The following DNAH12 variants were observed in gnomAD, a reference collection of about 807,000 sequenced individuals.
The protein encoded by DNAH12 is axonemal beta dynein heavy chain 12.
In DNAH12, 285 loss-of-function variants were observed where a neutral mutation model predicts 371.5. That is an observed-to-expected ratio of 0.77 (90% CI 0.70 to 0.85). The LOEUF is 0.85. Ranked by LOEUF, DNAH12 falls within the 40% of genes least tolerant of loss-of-function variation. The probability of loss-of-function intolerance (pLI) is 0.00; values close to 1 mark genes in which losing one functional copy is unlikely to be tolerated. For missense variants in DNAH12, 3,611 were observed against 3,689.4 expected (o/e 0.98, Z 0.55); for synonymous variants, 1,200 against 1,213.0 (o/e 0.99, Z 0.22).
intron 38 of DNAH12, among the ~76,000 whole-genome samples, chr3:57,414,624 A>C (rs2064308384): frequency 1.3e-5 from 2 of 152,202 alleles, no homozygotes. Flanking sequence ...TATTAATTTT[A>C]ACTTACTTAA....
In DNAH12 at chr3:57,331,680, C is replaced by CA. The variant is rs763762264; in HGVS notation, c.9978+2784dup. On this transcript the variant is annotated intron_variant, in intron 62 of 73. Coordinates refer to ENST00000495027, the MANE Select transcript of DNAH12 (RefSeq NM_001366028.2). ...ACGAAGGGACTATTGCAATCACTTT[C>CA]AAAACCTTCATATTTTTCATGGTGT... Among the ~76,000 whole-genome samples, 4 of 152,116 alleles carry CA rather than the reference C, an allele frequency of 2.6e-5. No individual in the cohort carries two copies. In the East Asian group the frequency reaches 7.7e-4, roughly 29 times the overall value.
At chr3:57,358,947 G>A (rs1048028529) in intron 58 of DNAH12, among the ~76,000 whole-genome samples, 26 of 152,088 alleles carry the variant, frequency 1.7e-4, no homozygotes, top group African/African-American at 4.6e-4. Context: ...ACCACACCTG[G>A]CTAATTTTTG....
In DNAH12 at chr3:57,472,567, G is replaced by A. The variant is rs1218238121; in HGVS notation, c.1755C>T (p.Pro585=). The change falls in exon 14 of 74, where the codon CCC becomes CCT. Residue 585 remains proline (P), a synonymous_variant. Coordinates refer to ENST00000495027, the MANE Select transcript of DNAH12 (RefSeq NM_001366028.2). ...TVLMWPRKIN[P]IFDENDELIE... ...TTACCTCATCATTTTCATCAAAGATGGGATTAATTTTCCTAGGCCACATGA... is the reference window on the plus strand; with the variant it reads ...TTACCTCATCATTTTCATCAAAGATAGGATTAATTTTCCTAGGCCACATGA... 2 of 1,549,166 alleles carry A rather than the reference G, an allele frequency of 1.3e-6. No individual in the cohort carries two copies. Among genetic ancestry groups the A allele is most frequent in the East Asian group, 4.9e-5 (2 of 40,792 alleles).
intron 62 of DNAH12, among the ~76,000 whole-genome samples, chr3:57,332,619 A>G (rs1251476818): frequency 6.6e-6 from 1 of 152,200 alleles, no homozygotes; most frequent in East Asian, 1.9e-4. Context: ...AAAAGACTAC[A>G]AAGGGGCCAA....
intron 4 of DNAH12, among the ~76,000 whole-genome samples, chr3:57,518,913 T>C (rs2068304523): frequency 6.6e-6 from 1 of 152,080 alleles, no homozygotes; most frequent in African/African-American, 2.4e-5. Flanking sequence ...GAATCATCCA[T>C]GGAGATTCAA....
rs1199057899 is a variant in DNAH12 at position 57,428,822 on chromosome 3, C to T, written c.5065-1G>A. 1.3e-5 allele frequency: 19 copies of T among 1,514,744 alleles called. No individual in the cohort carries two copies. The highest frequency in any genetic ancestry group is 1.7e-5 in the Non-Finnish European group (19 of 1,134,142). The allele number at this position is 1,514,744 out of a possible 1,614,324, so 93.8% of individuals were successfully genotyped here. ...TACCACAACGACTTACAGTGGCAGG[C>T]TAGAGAAAAAAGGCAACTTTTTGCA... On this transcript the variant is annotated splice_acceptor_variant, in intron 33 of 73. Coordinates refer to ENST00000495027, the MANE Select transcript of DNAH12 (RefSeq NM_001366028.2). LOFTEE classifies it high-confidence loss of function.
intron 60 of DNAH12, among the ~76,000 whole-genome samples, chr3:57,338,404 T>C (rs1187250006): frequency 2.3e-4 from 25 of 107,534 alleles, no homozygotes; most frequent in South Asian, 6.2e-4. Context: ...GCCGCCACAC[T>C]GTCTAGGAAG....
At chr3:57,549,065 A>C (rs1276830175), upstream of DNAH12, 1 of 152,112 alleles carries the variant, frequency 6.6e-6, no homozygotes, top group African/African-American at 2.4e-5. Context: ...GCCTGTGCCC[A>C]TAATTCCAGG....
At chr3:57,458,324 T>C in intron 20 of DNAH12, 104 bp from the exon 21 acceptor site, 1 of 1,300,964 alleles carries the variant, frequency 7.7e-7, no homozygotes, top group Non-Finnish European at 9.9e-7. Flanking sequence ...TGTTAAAAGG[T>C]TTATGAAAAA....
intron 62 of DNAH12, among the ~76,000 whole-genome samples, chr3:57,332,102 G>T (rs916253387): frequency 6.6e-6 from 1 of 152,058 alleles, no homozygotes; most frequent in Non-Finnish European, 1.5e-5. Flanking sequence ...TGATAGTCTT[G>T]AACAAAGTCT....
chr3:57,523,852 GTTCT>G lies in DNAH12; in HGVS notation c.199_202del (p.Arg67HisfsTer18). 6.2e-7 allele frequency: 1 copy of G among 1,605,610 alleles called. No individual in the cohort carries two copies. Reference sequence around the variant, plus strand: ...TAATAGAGGTGTTCTTTTACCCAGTGTTCTGTCTAAATTTCTTTTGGCTCCATCA... The same window carrying G: ...TAATAGAGGTGTTCTTTTACCCAGTGGTCTAAATTTCTTTTGGCTCCATCA... On this transcript the variant is annotated frameshift_variant, in exon 3 of 74. Transcript: ENST00000495027. LOFTEE classifies it high-confidence loss of function.
chr3:57,438,398 A>G (rs1158433834), intron 29 of DNAH12, among the ~76,000 whole-genome samples: 1 of 152,222 alleles, frequency 6.6e-6, no homozygotes, highest in Admixed American at 6.5e-5. Flanking sequence ...ATTGTTTAAC[A>G]TACAATCAAA....
intron 38 of DNAH12, among the ~76,000 whole-genome samples, chr3:57,414,529 C>T (rs1279967810): frequency 6.6e-6 from 1 of 152,142 alleles, no homozygotes; most frequent in Non-Finnish European, 1.5e-5. Context: ...TTTCAATCCT[C>T]ACCCTCCTCC....
At chr3:57,424,573 C>T (rs1013684375) in intron 35 of DNAH12, among the ~76,000 whole-genome samples, 3 of 151,410 alleles carry the variant, frequency 2.0e-5, no homozygotes, top group Non-Finnish European at 2.9e-5. Flanking sequence ...GTCAGGAGTT[C>T]AAGACCAGCC....
chr3:57,403,271 G>GTTTTCA (rs2063926027), intron 43 of DNAH12, 38 bp downstream of exon 43: 1 of 1,511,898 alleles, frequency 6.6e-7, no homozygotes, highest in Non-Finnish European at 8.9e-7. Context: ...AGAATATACT[G>GTTTTCA]TTTTCATTTT....
chr3:57,469,049 G>A (rs2066287841), intron 16 of DNAH12, 70 bp from the exon 17 acceptor site: 8 of 1,397,958 alleles, frequency 5.7e-6, no homozygotes, highest in South Asian at 2.9e-5. Context: ...AGATCCTTTA[G>A]GCTAGACCCC....
intron 2 of DNAH12, chr3:57,530,745 GT>G: frequency 3.8e-6 from 1 of 260,722 alleles, no homozygotes. Flanking sequence ...GATGATCCTT[GT>G]TTTGCACCTA....
intron 60 of DNAH12, among the ~76,000 whole-genome samples, chr3:57,342,651 C>CAAAAAAAAAAAA (rs71088061): frequency 5.7e-5 from 2 of 35,074 alleles, no homozygotes; most frequent in African/African-American, 1.3e-4. Flanking sequence ...GACTGAGACT[C>CAAAAAAAAAAAA]AAAAAAAAAA....
At chr3:57,468,653 T>C (rs2066273421) in intron 17 of DNAH12, 83 bp downstream of exon 17, 9 of 789,506 alleles carry the variant, frequency 1.1e-5, no homozygotes, top group Middle Eastern at 4.0e-4. Flanking sequence ...AACCAGAAGA[T>C]AGGCTTTATA....
Sources: gnomAD v4.1 joint callset for allele counts (sites outside exome capture counted in the v4.1 genomes callset) on GRCh38, gnomAD v4.1.1 for gene constraint, MANE v1.5 for transcripts, NCBI Gene and HGNC (gene_info 2026-07-23, HGNC 2026-07-21) for gene names.